Variants in FAM83G observed in about 807,000 individuals in gnomAD.
FAM83G encodes the protein protein FAM83G.
Under a neutral mutation model 61.5 loss-of-function variants are expected in FAM83G, and 38 were observed. The observed-to-expected ratio is 0.62, with a 90% CI of 0.48 to 0.81. FAM83G has a LOEUF of 0.81. FAM83G is among the 30% of genes least tolerant of loss of function. The pLI, the probability that FAM83G is intolerant of heterozygous loss-of-function variation, is 0.00. For synonymous variants in FAM83G, 470 were observed against 476.1 expected, an observed-to-expected ratio of 0.99 and a Z score of 0.17; for missense variants, 989 against 1,133.6, an observed-to-expected ratio of 0.87 and a Z score of 1.83.
chr17:19,003,452 G>T lies in FAM83G; in HGVS notation c.522+68C>A. 1 of 1,461,682 alleles carries T rather than the reference G, an allele frequency of 6.8e-7. No individual in the cohort carries two copies. Among genetic ancestry groups the T allele is most frequent in the Non-Finnish European group, 9.1e-7 (1 of 1,103,482 alleles). The allele number at this position is 1,461,682 out of a possible 1,614,324, so 90.5% of individuals were successfully genotyped here. On this transcript the variant is annotated intron_variant, in intron 2 of 5. Transcript: ENST00000388995. The surrounding 1 kb of genome is among the most constrained non-coding windows in gnomAD (Gnocchi z 4.5). ...TGGGCTCCCGTTTTGGGCTCTGAGT[G>T]AGCCTGTATTGAGAGGGGTCCGGTG...
chr17:18,979,905 G>C (rs114381805), intron 3 of FAM83G, among the ~76,000 whole-genome samples: 1 of 152,212 alleles, frequency 6.6e-6, no homozygotes, highest in Non-Finnish European at 1.5e-5. Context: ...CTGGTACAAA[G>C]GGGTTGGCAT....
rs138571697 is a variant in FAM83G at position 18,997,343 on chromosome 17, G to C, written c.522+6177C>G. On this transcript the variant is annotated intron_variant, in intron 2 of 5. Coordinates refer to ENST00000388995, the MANE Select transcript of FAM83G (RefSeq NM_001039999.3). ...GGGGAAAGGCCATGAGGTGACCAAG[G>C]CTGTTCCCTGTGGATGAGGCAAGAG... Among the ~76,000 whole-genome samples, 29 of 152,350 alleles carry C rather than the reference G, an allele frequency of 1.9e-4. No homozygotes were observed. The East Asian group carries it at 4.4e-3, about 23-fold the overall frequency.
rs2043080770 is a variant in FAM83G at position 18,979,691 on chromosome 17, A to G, written c.691-18T>C. On this transcript the variant is annotated intron_variant, in intron 3 of 5. Coordinates refer to ENST00000388995, the MANE Select transcript of FAM83G (RefSeq NM_001039999.3). Reference sequence around the variant, plus strand: ...CTGAGATTCTGTTTTGGGAACCAAGAGACAGAATTACACGACTGCAACCCT... The same window carrying G: ...CTGAGATTCTGTTTTGGGAACCAAGGGACAGAATTACACGACTGCAACCCT... The G allele has an allele frequency of 6.2e-7, 1 of 1,612,554 alleles. No individual in the cohort carries two copies.
At position 19,003,804 on chromosome 17, in the gene FAM83G, C is replaced by G; in HGVS notation, c.238G>C (p.Asp80His). ...TIEVYDPGSE[D>H]PRGTGPSQGP... Reference sequence around the variant, plus strand: ...TGAGAGGGGCCCGTGCCCCGAGGGTCCTCAGAGCCCGGGTCGTACACCTCG... The same window carrying G: ...TGAGAGGGGCCCGTGCCCCGAGGGTGCTCAGAGCCCGGGTCGTACACCTCG... The change falls in exon 2 of 6, where the codon GAC becomes CAC. Residue 80 changes from aspartate (D) to histidine (H), a missense_variant. This residue lies in a region of FAM83G where 371 missense variants were observed against 404.5 expected (regional missense o/e 0.92). Transcript: ENST00000388995. This position sits in a 1 kb window ranked among gnomAD's most constrained non-coding sequence, Gnocchi z 4.5. 6.2e-7 allele frequency: 1 copy of G among 1,612,694 alleles called. No homozygotes were observed. The highest frequency in any genetic ancestry group is 8.5e-7 in the Non-Finnish European group (1 of 1,179,806).
chr17:18,998,279 C>T (rs2043618000), intron 2 of FAM83G, among the ~76,000 whole-genome samples: 1 of 152,240 alleles, frequency 6.6e-6, no homozygotes, highest in African/African-American at 2.4e-5. Flanking sequence ...TCTATCACTG[C>T]GTCAAGACAA....
At position 19,000,686 on chromosome 17, in the gene FAM83G, C is replaced by T. The variant is rs75153699; in HGVS notation, c.522+2834G>A. ...CCCCCGGTGGGAAGGGGCCAGTGTG[C>T]GGCAAGGCGGCCCAGGCAGAGGGAT... On this transcript the variant is annotated intron_variant, in intron 2 of 5. Coordinates refer to ENST00000388995, the MANE Select transcript of FAM83G (RefSeq NM_001039999.3). This position sits in a 1 kb window ranked among gnomAD's most constrained non-coding sequence, Gnocchi z 5.2. Among the ~76,000 whole-genome samples, 593 of 152,244 alleles carry T rather than the reference C, an allele frequency of 3.9e-3. 4 individuals are homozygous for T. Among genetic ancestry groups the T allele is most frequent in the African/African-American group, 0.013 (557 of 41,538 alleles).
rs945893394 is a variant in FAM83G, at chr17:19,004,150, C to G, written c.-109G>C. 1 of 1,079,854 alleles carries G rather than the reference C, an allele frequency of 9.3e-7. No individual in the cohort carries two copies. The highest frequency in any genetic ancestry group is 1.3e-6 in the Non-Finnish European group (1 of 764,604). 66.9% of individuals were successfully genotyped at this position (1,079,854 alleles called of 1,614,324 possible). A position where few individuals can be genotyped will look rare whatever the true frequency, so the allele number is the denominator to read the frequency against. On this transcript the variant is annotated 5_prime_UTR_variant, in exon 2 of 6. Coordinates refer to ENST00000388995, the MANE Select transcript of FAM83G (RefSeq NM_001039999.3). This position sits in a 1 kb window ranked among gnomAD's most constrained non-coding sequence, Gnocchi z 5.4. ...CTCGGGGGCCTCTCCGCGGCCTCTGCTTCTCTGCCCATGAGCAATCTGCGG... is the reference window on the plus strand; with the variant it reads ...CTCGGGGGCCTCTCCGCGGCCTCTGGTTCTCTGCCCATGAGCAATCTGCGG...
chr17:18,982,127 G>T (rs1345215323), intron 3 of FAM83G, among the ~76,000 whole-genome samples: 1 of 152,246 alleles, frequency 6.6e-6, no homozygotes, highest in African/African-American at 2.4e-5. Flanking sequence ...CAGCCTCCGT[G>T]TGAGCCGCAG....
rs145952157 is a variant in FAM83G at position 18,998,168 on chromosome 17, C to T, written c.522+5352G>A. ...ACAGCCCAACCAGGCCAGGGCCTGC[C>T]AGGCTGGGGCCAACGTGGGCCAGGG... On this transcript the variant is annotated intron_variant, in intron 2 of 5. Coordinates refer to ENST00000388995, the MANE Select transcript of FAM83G (RefSeq NM_001039999.3). 2.0e-3 allele frequency among the ~76,000 whole-genome samples: 309 copies of T among 152,378 alleles called. 2 individuals carry two copies. Among genetic ancestry groups the T allele is most frequent in the African/African-American group, 6.9e-3 (289 of 41,598 alleles).
At chr17:18,980,703 T>C (rs1486154993) in intron 3 of FAM83G, among the ~76,000 whole-genome samples, 1 of 152,046 alleles carries the variant, frequency 6.6e-6, no homozygotes, top group South Asian at 2.1e-4. Flanking sequence ...GGAACCCAAG[T>C]GTCGAGGATG....
chr17:18,971,244 C>T lies in FAM83G; in HGVS notation c.*115G>A, dbSNP rs1435285639. Reference sequence around the variant, plus strand: ...GTGAGTGCCAACGTCTCCCGCCCATCCCACCTTCCTGCCGTCCCAGTGGGC... The same window carrying T: ...GTGAGTGCCAACGTCTCCCGCCCATTCCACCTTCCTGCCGTCCCAGTGGGC... On this transcript the variant is annotated 3_prime_UTR_variant, in exon 6 of 6. Transcript: ENST00000388995. This position sits in a 1 kb window ranked among gnomAD's most constrained non-coding sequence, Gnocchi z 5.5. 4 of 1,612,770 alleles carry T rather than the reference C, an allele frequency of 2.5e-6. No homozygotes were observed. The highest frequency in any genetic ancestry group is 1.1e-5 in the South Asian group (1 of 91,068).
intron 2 of FAM83G, among the ~76,000 whole-genome samples, chr17:18,995,552 G>T (rs1175205651): frequency 6.6e-6 from 1 of 152,098 alleles, no homozygotes; most frequent in African/African-American, 2.4e-5. Flanking sequence ...GAGTGAGCGA[G>T]AGACTAAAAA....
Position 18,969,434 on chromosome 17 carries a change from G to A in FAM83G, c.*1925C>T, listed in dbSNP as rs200950903. 3.1e-6 allele frequency: 5 copies of A among 1,612,638 alleles called. No individual in the cohort carries two copies. The highest frequency in any genetic ancestry group is 1.7e-5 in the Admixed American group (1 of 59,996). ...CCTGACAATCAAAGGTGAGGACAGA[G>A]TCTGTGGCCATGGCGGGGCTGTCCC... On this transcript the variant is annotated 3_prime_UTR_variant, in exon 6 of 6. Transcript: ENST00000388995.
At chr17:18,978,926 G>C (rs771319857) in intron 4 of FAM83G, 76 bp from the exon 5 acceptor site, 1 of 1,533,032 alleles carries the variant, frequency 6.5e-7, no homozygotes, top group East Asian at 2.3e-5. Flanking sequence ...ACCCATAGCC[G>C]CTGGGCCTCA....
intron 5 of FAM83G, among the ~76,000 whole-genome samples, chr17:18,972,626 G>A (rs2042882985): frequency 6.6e-6 from 1 of 152,166 alleles, no homozygotes; most frequent in Admixed American, 6.5e-5. Context: ...ACTTTGGGAG[G>A]CTGACATGGG....
intron 3 of FAM83G, among the ~76,000 whole-genome samples, chr17:18,985,602 G>C (rs1386516274): frequency 1.3e-5 from 2 of 152,196 alleles, no homozygotes; most frequent in South Asian, 2.1e-4. Flanking sequence ...GCAGGCCCTC[G>C]ACAGGGGGTG....
upstream of FAM83G, among the ~76,000 whole-genome samples, chr17:19,005,770 C>T (rs2043869651): frequency 6.6e-6 from 1 of 152,168 alleles, no homozygotes; most frequent in African/African-American, 2.4e-5. Flanking sequence ...CCATCACTGA[C>T]CCCTCAAGCA....
chr17:19,000,136 T>A lies in FAM83G; in HGVS notation c.522+3384A>T, dbSNP rs1212662559. On this transcript the variant is annotated intron_variant, in intron 2 of 5. Transcript: ENST00000388995. The surrounding 1 kb of genome is among the most constrained non-coding windows in gnomAD (Gnocchi z 5.2). ...TATGTAGTTGGAACCCCACAGCAGGTTTTTTCCCAGATAAATCATGGCTCC... is the reference window on the plus strand; with the variant it reads ...TATGTAGTTGGAACCCCACAGCAGGATTTTTCCCAGATAAATCATGGCTCC... Among the ~76,000 whole-genome samples, 1 of 151,960 alleles carries A rather than the reference T, an allele frequency of 6.6e-6. No individual in the cohort carries two copies. The highest frequency in any genetic ancestry group is 2.4e-5 in the African/African-American group (1 of 41,388).
rs115908050 is a variant in FAM83G at position 18,984,929 on chromosome 17, C to G, written c.690+3318G>C. Among the ~76,000 whole-genome samples, 1,425 of 152,356 alleles carry G rather than the reference C, an allele frequency of 9.4e-3. 17 individuals carry two copies. The highest frequency in any genetic ancestry group is 0.031 in the African/African-American group (1,296 of 41,578). On this transcript the variant is annotated intron_variant, in intron 3 of 5. Transcript: ENST00000388995. ...AACCGGCTGAGGTGCTTAGGAATGG[C>G]TGGGAGCCCCACATTTGGGGAGACA...
Sources: allele counts gnomAD v4.1 joint callset (sites outside exome capture counted in the v4.1 genomes callset), GRCh38; gene constraint gnomAD v4.1.1; regional missense constraint gnomAD v4.1.1; non-coding constraint Gnocchi (gnomAD v3.1); transcripts MANE v1.5; gene names NCBI Gene and HGNC (gene_info 2026-07-23, HGNC 2026-07-21).